The following TRAPPC9 variants were observed in gnomAD, a reference collection of about 807,000 sequenced individuals.
TRAPPC9 encodes trafficking protein particle complex subunit 9, also known as IKK2 binding protein.
Under a neutral mutation model 124.0 loss-of-function variants are expected in TRAPPC9, and 83 were observed. The observed-to-expected ratio is 0.67, with a 90% confidence interval of 0.56 to 0.80. The LOEUF (loss-of-function observed/expected upper bound fraction) is 0.80. Ranked by LOEUF, TRAPPC9 falls within the 30% of genes least tolerant of loss-of-function variation. The probability of loss-of-function intolerance (pLI) is 0.00; values close to 1 mark genes in which losing one functional copy is unlikely to be tolerated. For synonymous variants in TRAPPC9, 638 were observed against 617.5 expected (o/e 1.03, Z -0.49); for missense variants, 1,302 against 1,508.3 (o/e 0.86, Z 2.27).
At chr8:139,971,211 G>A (rs529979372) in intron 19 of TRAPPC9, among the ~76,000 whole-genome samples, 3 of 152,128 alleles carry the variant, frequency 2.0e-5, no homozygotes, top group South Asian at 2.1e-4. Context: ...TCTCATGACC[G>A]TCCCTTCCCT....
intron 7 of TRAPPC9, among the ~76,000 whole-genome samples, chr8:140,391,894 C>T (rs1306250691): frequency 4.6e-5 from 7 of 151,576 alleles, no homozygotes; most frequent in African/African-American, 9.7e-5. Context: ...GGGTGTGGTG[C>T]GGGCACCTGT....
Position 139,984,773 on chromosome 8 carries a change from G to A in TRAPPC9, c.2810+3953C>T, listed in dbSNP as rs1837139214. On this transcript the variant is annotated intron_variant, in intron 19 of 22. Coordinates refer to ENST00000438773, the MANE Select transcript of TRAPPC9 (RefSeq NM_001160372.4). The surrounding 1 kb of genome is among the most constrained non-coding windows in gnomAD (Gnocchi z 4.3). ...GGGAATCATGCATTCTAGGGCTCAG[G>A]GCAGAGTTGCATGGATTCATGGGTA... 6.6e-6 allele frequency among the ~76,000 whole-genome samples: 1 copy of A among 152,172 alleles called. No homozygotes were observed. Among genetic ancestry groups the A allele is most frequent in the Non-Finnish European group, 1.5e-5 (1 of 68,040 alleles).
intron 17 of TRAPPC9, among the ~76,000 whole-genome samples, chr8:140,194,263 T>C (rs1279078714): frequency 6.6e-6 from 1 of 151,908 alleles, no homozygotes; most frequent in African/African-American, 2.4e-5. Context: ...CCGCACCCCT[T>C]CACACCCCAC....
intron 19 of TRAPPC9, among the ~76,000 whole-genome samples, chr8:139,964,398 C>G (rs1409157885): frequency 6.6e-6 from 1 of 152,074 alleles, no homozygotes; most frequent in African/African-American, 2.4e-5. Context: ...AATGCACTCT[C>G]TCACAGAGCA....
At chr8:139,774,886 AG>A (rs1821250807) in intron 21 of TRAPPC9, among the ~76,000 whole-genome samples, 1 of 152,148 alleles carries the variant, frequency 6.6e-6, no homozygotes, top group African/African-American at 2.4e-5. Context: ...GAGTGCCCGG[AG>A]GGGGACAGAG....
At chr8:140,149,668 T>C (rs1166139754) in intron 17 of TRAPPC9, among the ~76,000 whole-genome samples, 1 of 152,068 alleles carries the variant, frequency 6.6e-6, no homozygotes, top group East Asian at 1.9e-4. Context: ...AGTGACGGCT[T>C]CAATTCCTCA....
At chr8:140,211,863 G>A (rs890262145) in intron 17 of TRAPPC9, among the ~76,000 whole-genome samples, 7 of 152,310 alleles carry the variant, frequency 4.6e-5, no homozygotes, top group East Asian at 3.9e-4. Flanking sequence ...GCCACGAGGC[G>A]CTTACAGTGA....
Position 140,272,105 on chromosome 8 carries a change from G to A in TRAPPC9, c.2278+3553C>T, listed in dbSNP as rs796442580. Among the ~76,000 whole-genome samples the A allele has an allele frequency of 1.1e-3, 80 of 75,256 alleles. 1 individual carries two copies. The highest frequency in any genetic ancestry group is 3.2e-3 in the South Asian group (6 of 1,882). 49.4% of individuals were successfully genotyped at this position (75,256 alleles called of 152,430 possible). The stretch of plus-strand genomic sequence containing the variant: ...TGGTTGTGTTGATGATGAGGTGATT[G>A]TGGTGGTGGCAATGGTGATGGTGGC... On this transcript the variant is annotated intron_variant, in intron 15 of 22. Transcript: ENST00000438773.
intron 9 of TRAPPC9, among the ~76,000 whole-genome samples, chr8:140,319,061 C>T (rs2066518325): frequency 6.6e-6 from 1 of 152,092 alleles, no homozygotes; most frequent in East Asian, 1.9e-4. Context: ...GTGATGATTC[C>T]TCAACTTATG....
intron 9 of TRAPPC9, among the ~76,000 whole-genome samples, chr8:140,350,518 A>G (rs1451004053): frequency 1.3e-5 from 2 of 152,168 alleles, no homozygotes; most frequent in Admixed American, 1.3e-4. Flanking sequence ...CTTCACACCT[A>G]CTGTGTTCCA....
chr8:139,905,841 T>C (rs1446338038), intron 20 of TRAPPC9, among the ~76,000 whole-genome samples: 1 of 152,034 alleles, frequency 6.6e-6, no homozygotes, highest in Non-Finnish European at 1.5e-5. Flanking sequence ...ATGCCTGTAA[T>C]ACCAACACTT....
At chr8:139,848,546 T>C (rs999272628) in intron 21 of TRAPPC9, among the ~76,000 whole-genome samples, 3 of 152,134 alleles carry the variant, frequency 2.0e-5, no homozygotes, top group African/African-American at 4.8e-5. Flanking sequence ...CACACACATA[T>C]ATATATCCAA....
chr8:140,288,310 T>TG (rs1450014563), intron 12 of TRAPPC9, among the ~76,000 whole-genome samples: 1 of 152,198 alleles, frequency 6.6e-6, no homozygotes, highest in Non-Finnish European at 1.5e-5. Context: ...CACTCCAGCG[T>TG]GGGGGACAGA....
chr8:140,430,886 C>A (rs1483958600), intron 4 of TRAPPC9, among the ~76,000 whole-genome samples: 2 of 152,064 alleles, frequency 1.3e-5, no homozygotes, highest in African/African-American at 2.4e-5. Context: ...GCGATCCATG[C>A]ACTGTGGCCT....
intron 17 of TRAPPC9, among the ~76,000 whole-genome samples, chr8:140,073,855 C>T (rs568437834): frequency 1.4e-4 from 22 of 152,256 alleles, no homozygotes; most frequent in African/African-American, 4.1e-4. Context: ...ACTTTCTATA[C>T]GTTTAAAATT....
chr8:139,875,542 C>T (rs1175280815), intron 21 of TRAPPC9, among the ~76,000 whole-genome samples: 1 of 152,246 alleles, frequency 6.6e-6, no homozygotes, highest in African/African-American at 2.4e-5. Flanking sequence ...TCTTTGTCAA[C>T]CCATGCCCAG....
chr8:139,835,501 A>G (rs905844842), intron 21 of TRAPPC9, among the ~76,000 whole-genome samples: 2 of 152,298 alleles, frequency 1.3e-5, no homozygotes, highest in South Asian at 2.1e-4. Flanking sequence ...ATGGATGTCT[A>G]ATATCTATTC....
chr8:139,863,475 C>T (rs1470099371), intron 21 of TRAPPC9, among the ~76,000 whole-genome samples: 2 of 152,222 alleles, frequency 1.3e-5, no homozygotes, highest in South Asian at 2.1e-4. Context: ...GGGGATGCTG[C>T]CCCAGGCCTG....
At chr8:139,864,756 A>T (rs1249854809) in intron 21 of TRAPPC9, among the ~76,000 whole-genome samples, 1 of 152,180 alleles carries the variant, frequency 6.6e-6, no homozygotes, top group Non-Finnish European at 1.5e-5. Context: ...TCCTGATCCT[A>T]GAGGTGAAGA....
Sources: allele counts gnomAD v4.1 joint callset (sites outside exome capture counted in the v4.1 genomes callset), GRCh38; gene constraint gnomAD v4.1.1; non-coding constraint Gnocchi (gnomAD v3.1); transcripts MANE v1.5; gene names NCBI Gene and HGNC (gene_info 2026-07-23, HGNC 2026-07-21).